The following DST variants were observed in gnomAD, a reference collection of about 807,000 sequenced individuals.
DST encodes dystonin, also known as bullous pemphigoid antigen.
Under a neutral mutation model 875.2 loss-of-function variants are expected in DST, and 253 were observed. The observed-to-expected ratio is 0.29, with a 90% CI of 0.26 to 0.32. DST has a LOEUF of 0.32. Ranked by LOEUF, DST falls within the 10% of genes least tolerant of loss-of-function variation. The pLI is 1.00. For missense variants in DST, 8,287 were observed against 9,111.6 expected, an observed-to-expected ratio of 0.91 and a Z score of 3.68; for synonymous variants, 3,124 against 3,197.1, an observed-to-expected ratio of 0.98 and a Z score of 0.77.
At chr6:56,569,265 C>T (rs138349283) in intron 54 of DST, among the ~76,000 whole-genome samples, 1,541 of 145,646 alleles carry the variant, frequency 0.011, 28 homozygotes, top group African/African-American at 0.036. Flanking sequence ...GCAGAGCTTG[C>T]AGTGAGCCAA....
chr6:56,818,027 A>T (rs767607870), intron 4 of DST, among the ~76,000 whole-genome samples: 2 of 152,184 alleles, frequency 1.3e-5, no homozygotes. Context: ...CATAGCCATG[A>T]GCCAAGGAAT....
intron 4 of DST, among the ~76,000 whole-genome samples, chr6:56,782,387 G>A (rs914708562): frequency 6.6e-6 from 1 of 152,090 alleles, no homozygotes; most frequent in African/African-American, 2.4e-5. Flanking sequence ...ATTGATTATT[G>A]CCACAATTTC....
intron 2 of DST, among the ~76,000 whole-genome samples, chr6:56,929,348 G>C (rs1808919506): frequency 6.6e-6 from 1 of 152,072 alleles, no homozygotes. Flanking sequence ...GCTAAATTAT[G>C]TTCATGCGTT....
chr6:56,497,593 A>T (rs935400324), intron 81 of DST, 86 bp from the exon 82 acceptor site: 3 of 1,494,688 alleles, frequency 2.0e-6, no homozygotes, highest in Admixed American at 3.9e-5. Flanking sequence ...CCAGCCTGCT[A>T]AGCCTCTCTA....
chr6:56,585,611 T>A (rs191644621), intron 49 of DST, among the ~76,000 whole-genome samples: 2 of 152,296 alleles, frequency 1.3e-5, no homozygotes, highest in African/African-American at 4.8e-5. Flanking sequence ...CTGCTCTGAC[T>A]TTCGTTATTT....
chr6:56,624,380 T>C, intron 36 of DST, 150 bp downstream of exon 36: 2 of 704,812 alleles, frequency 2.8e-6, no homozygotes, highest in Non-Finnish European at 5.2e-6. Context: ...TCATTTTCAT[T>C]GTAATTTTAT....
At chr6:56,712,077 C>A (rs1451506530) in intron 5 of DST, among the ~76,000 whole-genome samples, 1 of 100,946 alleles carries the variant, frequency 9.9e-6, no homozygotes, top group Non-Finnish European at 2.3e-5. Flanking sequence ...GGCGACAGAG[C>A]GAGACTCCGT....
At chr6:56,893,674 T>C (rs1346772039) in intron 3 of DST, among the ~76,000 whole-genome samples, 3 of 66,652 alleles carry the variant, frequency 4.5e-5, no homozygotes, top group East Asian at 3.7e-4. Context: ...CATAGGACAA[T>C]AGTGGAGGGA....
rs117543930 is a variant in DST at position 56,528,784 on chromosome 6, T to C, written c.17680+57A>G. 1.5e-4 allele frequency: 183 copies of C among 1,253,650 alleles called. 1 individual carries two copies. In the East Asian group the frequency reaches 4.1e-3, roughly 28 times the overall value. 77.7% of individuals were successfully genotyped at this position (1,253,650 alleles called of 1,614,324 possible). ...TGGTTTTTTCCCATCCCTAAAATAT[T>C]TTGAAAACAATATAAAATGCTGACC... On this transcript the variant is annotated intron_variant, in intron 67 of 103. Transcript: ENST00000680361.
At chr6:56,863,342 A>G (rs1378996912) in intron 3 of DST, 1 of 152,196 alleles carries the variant, frequency 6.6e-6, no homozygotes, top group Non-Finnish European at 1.5e-5. Context: ...ATAACATTTT[A>G]TGAGCCATGA....
At chr6:56,845,588 T>C (rs2099806343) in intron 4 of DST, among the ~76,000 whole-genome samples, 1 of 152,238 alleles carries the variant, frequency 6.6e-6, no homozygotes, top group Admixed American at 6.5e-5. Context: ...GTTCATAAAG[T>C]AACAACCAGG....
chr6:56,567,194 A>G (rs758013980), intron 55 of DST, among the ~76,000 whole-genome samples: 1 of 152,256 alleles, frequency 6.6e-6, no homozygotes, highest in Non-Finnish European at 1.5e-5. Context: ...TAATCAGAAT[A>G]TTAAAATATC....
At chr6:56,476,069 T>A (rs1582480804) in intron 92 of DST, 80 bp downstream of exon 92, 3 of 1,215,734 alleles carry the variant, frequency 2.5e-6, no homozygotes, top group African/African-American at 1.5e-5. Context: ...AACAAAGCAA[T>A]GTTTTGAGAA....
intron 9 of DST, among the ~76,000 whole-genome samples, chr6:56,679,647 T>C (rs1459246311): frequency 1.3e-5 from 2 of 148,322 alleles, no homozygotes; most frequent in African/African-American, 5.0e-5. Context: ...GCCACGTGCC[T>C]GCGGTCCAAG....
intron 9 of DST, among the ~76,000 whole-genome samples, chr6:56,697,860 C>T (rs550968740): frequency 6.6e-6 from 1 of 152,318 alleles, no homozygotes; most frequent in East Asian, 1.9e-4. Flanking sequence ...CCTGACAAAG[C>T]CACTGAGGAA....
intron 44 of DST, among the ~76,000 whole-genome samples, chr6:56,601,169 T>G (rs1167549884): frequency 6.6e-6 from 1 of 152,140 alleles, no homozygotes; most frequent in Non-Finnish European, 1.5e-5. Context: ...AATTTCTAAG[T>G]GCATTCAAAT....
At chr6:56,609,667 T>C (rs1360695139) in intron 39 of DST, among the ~76,000 whole-genome samples, 1 of 152,064 alleles carries the variant, frequency 6.6e-6, no homozygotes, top group Non-Finnish European at 1.5e-5. Context: ...AGAACACATA[T>C]CTAGAAGGCA....
intron 5 of DST, among the ~76,000 whole-genome samples, chr6:56,711,061 C>T (rs1167589553): frequency 6.6e-6 from 1 of 151,948 alleles, no homozygotes; most frequent in Non-Finnish European, 1.5e-5. Flanking sequence ...AATGTGTCTA[C>T]TTCTTTGGAC....
chr6:56,723,573 T>A (rs1317520532), intron 5 of DST, among the ~76,000 whole-genome samples: 8 of 151,242 alleles, frequency 5.3e-5, no homozygotes, highest in Admixed American at 1.3e-4. Flanking sequence ...TCAAAAAAAA[T>A]TTAAAAAAGA....
Sources: gnomAD v4.1 joint callset for allele counts (sites outside exome capture counted in the v4.1 genomes callset) on GRCh38, gnomAD v4.1.1 for gene constraint, MANE v1.5 for transcripts, NCBI Gene and HGNC (gene_info 2026-07-23, HGNC 2026-07-21) for gene names.